The following COPS7A variants were observed in gnomAD, a reference collection of about 807,000 sequenced individuals.
COPS7A encodes COP9 signalosome subunit 7A.
In COPS7A, 20 loss-of-function variants were observed where a neutral mutation model predicts 35.2. The ratio of observed to expected loss-of-function variants is 0.57; its 90% CI spans 0.40 to 0.83. The LOEUF (loss-of-function observed/expected upper bound fraction) is 0.83, where lower values mean the gene tolerates loss of function less well. COPS7A is among the 40% of genes least tolerant of loss of function. The probability of loss-of-function intolerance (pLI) is 0.00; values close to 1 mark genes in which losing one functional copy is unlikely to be tolerated. For missense variants in COPS7A, 247 were observed against 347.5 expected (o/e 0.71, Z 2.30); for synonymous variants, 139 against 141.4 (o/e 0.98, Z 0.12).
intron 7 of COPS7A, 69 bp downstream of exon 7, chr12:6,730,889 C>G (rs56992815): frequency 3.2e-5 from 51 of 1,597,842 alleles, no homozygotes; most frequent in Non-Finnish European, 4.2e-5. Flanking sequence ...CCTCACTGTC[C>G]TCATTTCCTT....
chr12:6,730,574 G>C, intron 6 of COPS7A, 67 bp downstream of exon 6: 5 of 1,611,928 alleles, frequency 3.1e-6, no homozygotes, highest in Non-Finnish European at 4.2e-6. Context: ...TTTGCAGAGA[G>C]AATTTGGACA....
intron 2 of COPS7A, among the ~76,000 whole-genome samples, chr12:6,726,243 G>A (rs1309737732): frequency 6.6e-5 from 10 of 151,832 alleles, no homozygotes; most frequent in Middle Eastern, 3.4e-3. Flanking sequence ...AGTTGAGTTC[G>A]AGCCACTGCA....
In COPS7A at chr12:6,729,484, C is replaced by T; in HGVS notation, c.530+35C>T. The T allele has an allele frequency of 1.1e-5, 17 of 1,599,722 alleles. No individual in the cohort carries two copies. Among genetic ancestry groups the T allele is most frequent in the Non-Finnish European group, 1.4e-5 (16 of 1,173,662 alleles). On this transcript the variant is annotated intron_variant, in intron 5 of 7. Coordinates refer to ENST00000543155, the MANE Select transcript of COPS7A (RefSeq NM_001164094.2). The surrounding 1 kb of genome is among the most constrained non-coding windows in gnomAD (Gnocchi z 4.2). ...GTATCCTGGCACTGTCCCCTTCTCA[C>T]CCTGAGAAAGAGAAAGGCGCTTCAG...
chr12:6,727,945 C>A lies in COPS7A; in HGVS notation c.182C>A (p.Ala61Asp), dbSNP rs748627485. Residue 61 changes from alanine (A) to aspartate (D), a missense_variant, in exon 3 of 8, where the codon GCC (alanine) becomes GAC (aspartate). Coordinates refer to ENST00000543155, the MANE Select transcript of COPS7A (RefSeq NM_001164094.2). ...TCGCAGCTGGCTGAGAGTGACTTTGCCTCTACCTTCCGGCTGCTCACAGTG... is the reference window on the plus strand; with the variant it reads ...TCGCAGCTGGCTGAGAGTGACTTTGACTCTACCTTCCGGCTGCTCACAGTG... Reference protein sequence around the residue: ...NVRELAESDFASTFRLLTVFA... With the variant: ...NVRELAESDFDSTFRLLTVFA... 6.2e-7 allele frequency: 1 copy of A among 1,614,142 alleles called. No individual in the cohort carries two copies. Among genetic ancestry groups the A allele is most frequent in the Non-Finnish European group, 8.5e-7 (1 of 1,180,026 alleles).
chr12:6,730,904 T>G, intron 7 of COPS7A, 84 bp downstream of exon 7: 1 of 1,592,574 alleles, frequency 6.3e-7, no homozygotes, highest in Non-Finnish European at 8.6e-7. Context: ...TTCCTTCAGT[T>G]ATTTGCATGG....
Position 6,730,767 on chromosome 12 carries a change from A to G in COPS7A, c.735A>G (p.Pro245=). ...AACACCTGACTGAGCTGAGGGAACC[A>G]GCTCCTGGCACCAACCAGCGCCAGC... ...PEQHLTELRE[P]APGTNQRQPS... is the part of the protein sequence containing the mutation. The change falls in exon 7 of 8, where the codon CCA becomes CCG. Residue 245 remains proline (P), a synonymous_variant. Transcript: ENST00000543155. 1.2e-6 allele frequency: 2 copies of G among 1,614,244 alleles called. No individual in the cohort carries two copies. Among genetic ancestry groups the G allele is most frequent in the Non-Finnish European group, 1.7e-6 (2 of 1,180,042 alleles).
At position 6,729,089 on chromosome 12, in the gene COPS7A, ATT is replaced by A; in HGVS notation, c.328-156_328-155del. 1 of 648,928 alleles carries A rather than the reference ATT, an allele frequency of 1.5e-6. No individual in the cohort carries two copies. Among genetic ancestry groups the A allele is most frequent in the Non-Finnish European group, 2.7e-6 (1 of 374,254 alleles). The allele number at this position is 648,928 out of a possible 1,614,324, so 40.2% of individuals were successfully genotyped here. A position where few individuals can be genotyped will look rare whatever the true frequency, so the allele number is the denominator to read the frequency against. On this transcript the variant is annotated intron_variant, in intron 4 of 7. Coordinates refer to ENST00000543155, the MANE Select transcript of COPS7A (RefSeq NM_001164094.2). The surrounding 1 kb of genome is among the most constrained non-coding windows in gnomAD (Gnocchi z 4.2). ...CTGTTTTTGAAGTGGGAATACTTTT[ATT>A]TATTTTGCTTTAGAACCAGCCTCTT... is the stretch of plus-strand genomic sequence containing the variant.
intron 5 of COPS7A, among the ~76,000 whole-genome samples, chr12:6,730,175 TC>T (rs1941357377): frequency 6.6e-6 from 1 of 152,116 alleles, no homozygotes; most frequent in Non-Finnish European, 1.5e-5. Flanking sequence ...TGTCACCACA[TC>T]CAGCTAGTTT....
intron 5 of COPS7A, among the ~76,000 whole-genome samples, chr12:6,730,087 C>T (rs1313490222): frequency 8.5e-5 from 13 of 152,214 alleles, no homozygotes. Flanking sequence ...ACCATCTTGA[C>T]TCACTGCAGC....
In COPS7A at chr12:6,729,243, C is replaced by T; in HGVS notation, c.328-4C>T. 1.9e-6 allele frequency: 3 copies of T among 1,614,062 alleles called. No individual in the cohort carries two copies. Among genetic ancestry groups the T allele is most frequent in the Non-Finnish European group, 2.5e-6 (3 of 1,180,022 alleles). ...AAATCCTGGCCTGATCTCCGCGGCC[C>T]CAGTGTATCCCATATGCAGTGTTGC... is the stretch of plus-strand genomic sequence containing the variant. On this transcript the variant is annotated splice_polypyrimidine_tract_variant and splice_region_variant and intron_variant, in intron 4 of 7. Transcript: ENST00000543155. The surrounding 1 kb of genome is among the most constrained non-coding windows in gnomAD (Gnocchi z 4.2).
At position 6,729,630 on chromosome 12, in the gene COPS7A, C is replaced by T. The variant is rs151284529; in HGVS notation, c.530+181C>T. On this transcript the variant is annotated intron_variant, in intron 5 of 7. Coordinates refer to ENST00000543155, the MANE Select transcript of COPS7A (RefSeq NM_001164094.2). This position sits in a 1 kb window ranked among gnomAD's most constrained non-coding sequence, Gnocchi z 4.2. ...CAGGAGTAGGGGAGGCCCTGGGAGG[C>T]GGCAGAAGTCAGTGTCCTTGATATA... 0.012 allele frequency among the ~76,000 whole-genome samples: 1,763 copies of T among 152,102 alleles called. 23 individuals carry two copies. Among genetic ancestry groups the T allele is most frequent in the Non-Finnish European group, 0.016 (1,076 of 67,984 alleles).
rs1326781901 is a variant in COPS7A, at chr12:6,729,816, A to C, written c.530+367A>C. On this transcript the variant is annotated intron_variant, in intron 5 of 7. Coordinates refer to ENST00000543155, the MANE Select transcript of COPS7A (RefSeq NM_001164094.2). This position sits in a 1 kb window ranked among gnomAD's most constrained non-coding sequence, Gnocchi z 4.2. ...TTTATTTTCTTTGTGTCCCCATCTAACTTCAGGGTTTCTGTATTCATTAAG... is the reference window on the plus strand; with the variant it reads ...TTTATTTTCTTTGTGTCCCCATCTACCTTCAGGGTTTCTGTATTCATTAAG... Among the ~76,000 whole-genome samples, 3 of 152,150 alleles carry C rather than the reference A, an allele frequency of 2.0e-5. No homozygotes were observed. Among genetic ancestry groups the C allele is most frequent in the African/African-American group, 7.2e-5 (3 of 41,440 alleles).
chr12:6,724,141 C>G lies in COPS7A; in HGVS notation c.-82C>G. On this transcript the variant is annotated 5_prime_UTR_variant, in exon 1 of 8. Coordinates refer to ENST00000543155, the MANE Select transcript of COPS7A (RefSeq NM_001164094.2). ...CGGCCCCGCCCGGTGCGCTGGAGGT[C>G]GAAGCTTCCAGGTAGCGGCCCGCAG... The G allele has an allele frequency of 4.1e-6, 1 of 245,616 alleles. No homozygotes were observed. Among genetic ancestry groups the G allele is most frequent in the Non-Finnish European group, 8.3e-6 (1 of 120,892 alleles). The allele number at this position is 245,616 out of a possible 1,614,324, so 15.2% of individuals were successfully genotyped here.
chr12:6,725,847 C>T (rs988225385), intron 2 of COPS7A: 4 of 455,960 alleles, frequency 8.8e-6, no homozygotes, highest in African/African-American at 8.0e-5. Context: ...GCTGACTTTT[C>T]CCTGCTTTCA....
chr12:6,724,220 G>A (rs1199932642), intron 1 of COPS7A, 41 bp downstream of exon 1: 2 of 270,236 alleles, frequency 7.4e-6, no homozygotes, highest in Non-Finnish European at 1.5e-5. Flanking sequence ...GTCGCTGGGC[G>A]GTGTCTTTAA....
chr12:6,729,958 C>G lies in COPS7A; in HGVS notation c.531-444C>G, dbSNP rs1318096941. Among the ~76,000 whole-genome samples the G allele has an allele frequency of 1.3e-5, 2 of 152,164 alleles. No individual in the cohort carries two copies. Among genetic ancestry groups the G allele is most frequent in the Admixed American group, 1.3e-4 (2 of 15,278 alleles). ...TCTCTGACCACACCGAGTGTCCATC[C>G]CACTGCTAGGAGTGTTATCACAGGT... On this transcript the variant is annotated intron_variant, in intron 5 of 7. Transcript: ENST00000543155. This position sits in a 1 kb window ranked among gnomAD's most constrained non-coding sequence, Gnocchi z 4.2.
chr12:6,725,692 A>C, intron 2 of COPS7A: 1 of 456,162 alleles, frequency 2.2e-6, no homozygotes, highest in South Asian at 1.5e-5. Context: ...AGAACCGTTC[A>C]CACAAAAGTG....
Position 6,729,442 on chromosome 12 carries a change from C to T in COPS7A, c.523C>T (p.Gln175Ter). 1 of 1,613,510 alleles carries T rather than the reference C, an allele frequency of 6.2e-7. No individual in the cohort carries two copies. Among genetic ancestry groups the T allele is most frequent in the Non-Finnish European group, 8.5e-7 (1 of 1,180,002 alleles). The change falls in exon 5 of 8, where the codon CAG (glutamine) becomes TAG (stop). Residue 175 changes from glutamine (Q) to a stop codon, truncating the protein, a stop_gained. Transcript: ENST00000543155. LOFTEE classifies it high-confidence loss of function. This position sits in a 1 kb window ranked among gnomAD's most constrained non-coding sequence, Gnocchi z 4.2. ...CCTCAGTGCCATTGCCCGAACCCTG[C>T]AGGAATGGTGAGAACCGTATCCTGG... is the stretch of plus-strand genomic sequence containing the variant. ...QDLSAIARTL[Q>*]EWCVGCEVVL...
intron 2 of COPS7A, chr12:6,727,670 G>C (rs373035537): frequency 4.8e-6 from 3 of 622,486 alleles, no homozygotes; most frequent in Middle Eastern, 2.5e-4. Flanking sequence ...TCTGAATTTA[G>C]GGTAGGAATT....
Sources: gnomAD v4.1 joint callset for allele counts (sites outside exome capture counted in the v4.1 genomes callset) on GRCh38, gnomAD v4.1.1 for gene constraint, Gnocchi (gnomAD v3.1) non-coding constraint, MANE v1.5 for transcripts, NCBI Gene and HGNC (gene_info 2026-07-23, HGNC 2026-07-21) for gene names.